The following SNX9 variants were observed in gnomAD, a reference collection of about 807,000 sequenced individuals.
SNX9 encodes the protein sorting nexin 9.
SNX9 carries 44 observed loss-of-function variants against 89.4 expected under a neutral mutation model. The ratio of observed to expected loss-of-function variants is 0.49; its 90% CI spans 0.39 to 0.63. The LOEUF (loss-of-function observed/expected upper bound fraction) is 0.63, where lower values mean the gene tolerates loss of function less well. SNX9 is among the 30% of genes least tolerant of loss of function. SNX9 has a pLI of 0.00. For synonymous variants in SNX9, 236 were observed against 247.8 expected (o/e 0.95, Z 0.45); for missense variants, 578 against 736.1 (o/e 0.79, Z 2.49).
chr6:157,896,747 A>G (rs112084520), intron 4 of SNX9, 80 bp from the exon 5 acceptor site: 297 of 1,472,888 alleles, frequency 2.0e-4, no homozygotes, highest in East Asian at 5.4e-4. Flanking sequence ...GTTGTATTCA[A>G]TTGTGTCAGT....
chr6:157,836,665 A>G (rs1465216520), intron 1 of SNX9, among the ~76,000 whole-genome samples: 1 of 151,238 alleles, frequency 6.6e-6, no homozygotes, highest in African/African-American at 2.4e-5. Flanking sequence ...ATCTCAGCTC[A>G]CTGCAAACTC....
intron 1 of SNX9, among the ~76,000 whole-genome samples, chr6:157,835,944 G>A (rs139459055): frequency 6.6e-6 from 1 of 152,076 alleles, no homozygotes; most frequent in East Asian, 1.9e-4. Context: ...TTTTTATTTT[G>A]GTTGAGAAGG....
Position 157,921,635 on chromosome 6 carries a change from C to G in SNX9, c.1054C>G (p.Gln352Glu). ...AATCTCAGAAAGTGAAGTTTTCCAGCAGTTCCTAAATTTCCGAGATGAGAA... is the reference window on the plus strand; with the variant it reads ...AATCTCAGAAAGTGAAGTTTTCCAGGAGTTCCTAAATTTCCGAGATGAGAA... ...PVISESEVFQ[Q>E]FLNFRDEKEW... Residue 352 changes from glutamine to glutamate, a missense_variant, in exon 10 of 18, where the codon CAG (glutamine) becomes GAG (glutamate). Around this residue, in one of 2 missense-constraint regions of SNX9, gnomAD observed 348 missense variants for 491.4 expected, o/e 0.71. Coordinates refer to ENST00000392185, the MANE Select transcript of SNX9 (RefSeq NM_016224.5). The G allele has an allele frequency of 6.2e-7, 1 of 1,613,708 alleles. No individual in the cohort carries two copies. Among genetic ancestry groups the G allele is most frequent in the Non-Finnish European group, 8.5e-7 (1 of 1,179,784 alleles).
chr6:157,904,645 G>C (rs963076663), intron 6 of SNX9, among the ~76,000 whole-genome samples: 1 of 152,086 alleles, frequency 6.6e-6, no homozygotes, highest in African/African-American at 2.4e-5. Flanking sequence ...AGGAGGTGGA[G>C]GTTACAGTGA....
Position 157,940,909 on chromosome 6 carries a change from C to T in SNX9, c.1675C>T (p.Arg559Trp), listed in dbSNP as rs758757406. Residue 559 changes from arginine (R) to tryptophan (W), a missense_variant, in exon 17 of 18, where the codon CGG (arginine) becomes TGG (tryptophan). Arg to Trp is a moderately radical substitution (Grantham distance 101). Transcript: ENST00000392185. ...QAEMNHFHSN[R>W]IYDYNSVIRL... ...TGAGATGAATCACTTTCACAGTAAC[C>T]GGATCTATGATTACAACAGTGTCAT... The T allele has an allele frequency of 9.3e-6, 15 of 1,613,974 alleles. No homozygotes were observed. Among genetic ancestry groups the T allele is most frequent in the Non-Finnish European group, 1.3e-5 (15 of 1,179,990 alleles).
At chr6:157,920,532 G>A (rs1268001768) in intron 9 of SNX9, among the ~76,000 whole-genome samples, 1 of 152,208 alleles carries the variant, frequency 6.6e-6, no homozygotes, top group Non-Finnish European at 1.5e-5. Flanking sequence ...GGGGGAGACA[G>A]GAGCAGCCTC....
At chr6:157,922,437 A>G (rs1262665431) in intron 10 of SNX9, among the ~76,000 whole-genome samples, 2 of 152,258 alleles carry the variant, frequency 1.3e-5, no homozygotes, top group Non-Finnish European at 2.9e-5. Flanking sequence ...AGCCTGGGAA[A>G]TAAATTATGA....
At chr6:157,873,564 A>C (rs1306349805) in intron 3 of SNX9, among the ~76,000 whole-genome samples, 2 of 146,448 alleles carry the variant, frequency 1.4e-5, no homozygotes, top group Non-Finnish European at 3.0e-5. Flanking sequence ...CATTTTAAAT[A>C]TATATTTATA....
At chr6:157,925,775 GTAAAACTC>G (rs1367440329) in intron 10 of SNX9, among the ~76,000 whole-genome samples, 9 of 152,154 alleles carry the variant, frequency 5.9e-5, no homozygotes, top group African/African-American at 1.7e-4. Flanking sequence ...TGCGTAGGTG[GTAAAACTC>G]TAAACAAAGT....
At position 157,942,513 on chromosome 6, in the gene SNX9, G is replaced by A. The variant is rs536379619; in HGVS notation, c.1741-278G>A. 4.6e-5 allele frequency among the ~76,000 whole-genome samples: 7 copies of A among 152,372 alleles called. No individual in the cohort carries two copies. The East Asian group carries it at 1.2e-3, about 25-fold the overall frequency. On this transcript the variant is annotated intron_variant, in intron 17 of 17. Coordinates refer to ENST00000392185, the MANE Select transcript of SNX9 (RefSeq NM_016224.5). The stretch of plus-strand genomic sequence containing the variant: ...CCCCAGCTCATCTGAGGAAAAGCAG[G>A]TGGTCTGGAAGCGCCGCTAGGGCAG...
intron 4 of SNX9, among the ~76,000 whole-genome samples, chr6:157,891,658 C>T (rs970489801): frequency 1.3e-5 from 2 of 152,176 alleles, no homozygotes; most frequent in Non-Finnish European, 2.9e-5. Context: ...AGAGCTGTCC[C>T]CGTGATTCAC....
chr6:157,870,973 T>A (rs1407285805), intron 2 of SNX9, among the ~76,000 whole-genome samples: 1 of 152,082 alleles, frequency 6.6e-6, no homozygotes, highest in Non-Finnish European at 1.5e-5. Context: ...AAGGAGAGAG[T>A]GAGAACTGTG....
At chr6:157,889,857 G>T (rs1025039226) in intron 4 of SNX9, among the ~76,000 whole-genome samples, 1 of 152,180 alleles carries the variant, frequency 6.6e-6, no homozygotes, top group African/African-American at 2.4e-5. Flanking sequence ...TTTTAGATGA[G>T]CCCTCACATA....
chr6:157,895,327 A>T (rs1562608664), intron 4 of SNX9, among the ~76,000 whole-genome samples: 1 of 152,170 alleles, frequency 6.6e-6, no homozygotes, highest in East Asian at 1.9e-4. Context: ...TGTAAATCAG[A>T]GTTAGGAGGG....
At chr6:157,865,340 G>GA (rs541824549) in intron 1 of SNX9, among the ~76,000 whole-genome samples, 24,796 of 95,228 alleles carry the variant, frequency 0.26, 2,724 homozygotes, top group African/African-American at 0.35. Context: ...ACAGTCTCAG[G>GA]AAAAAAAAAA....
intron 7 of SNX9, among the ~76,000 whole-genome samples, chr6:157,907,795 TTG>T (rs112594149): frequency 0.015 from 2,290 of 152,320 alleles, 64 homozygotes; most frequent in African/African-American, 0.052. Context: ...GACTAACTCT[TTG>T]CTCTAAAAGT....
chr6:157,854,233 C>T (rs764004199), intron 1 of SNX9, among the ~76,000 whole-genome samples: 3 of 152,198 alleles, frequency 2.0e-5, no homozygotes, highest in Non-Finnish European at 4.4e-5. Context: ...TGCAGTTTTA[C>T]AATTGGGAAA....
intron 4 of SNX9, among the ~76,000 whole-genome samples, chr6:157,885,904 G>T (rs1782726392): frequency 6.6e-6 from 1 of 152,182 alleles, no homozygotes; most frequent in Non-Finnish European, 1.5e-5. Flanking sequence ...AGTATGTTTT[G>T]AGCTTTCATA....
chr6:157,864,581 A>G (rs565163172), intron 1 of SNX9, among the ~76,000 whole-genome samples: 17 of 152,326 alleles, frequency 1.1e-4, no homozygotes, highest in East Asian at 3.9e-4. Flanking sequence ...TTGAGGACCA[A>G]TAACACAACA....
Sources: gnomAD v4.1 joint callset for allele counts (sites outside exome capture counted in the v4.1 genomes callset) on GRCh38, gnomAD v4.1.1 for gene constraint, gnomAD v4.1.1 regional missense constraint, MANE v1.5 for transcripts, NCBI Gene and HGNC (gene_info 2026-07-23, HGNC 2026-07-21) for gene names.